The following KIF6 variants were observed in gnomAD, a reference collection of about 807,000 sequenced individuals.
The protein encoded by KIF6 is kinesin family member 6, also known as kinesin-like protein KIF6.
A neutral mutation model predicts 112.7 loss-of-function variants in KIF6; 106 were observed. The observed-to-expected ratio is 0.94, with a 90% CI of 0.80 to 1.11. The LOEUF is 1.11. KIF6 is among the 50% of genes least tolerant of loss of function. The pLI, the probability that KIF6 is intolerant of heterozygous loss-of-function variation, is 0.00. For synonymous variants in KIF6, 339 were observed against 339.9 expected, an observed-to-expected ratio of 1.00 and a Z score of 0.03; for missense variants, 929 against 964.0, an observed-to-expected ratio of 0.96 and a Z score of 0.48.
At chr6:39,698,907 G>A (rs933981906) in intron 3 of KIF6, among the ~76,000 whole-genome samples, 17 of 152,316 alleles carry the variant, frequency 1.1e-4, no homozygotes, top group Middle Eastern at 3.4e-3. Flanking sequence ...AGCAGTAGCT[G>A]TAAACAATTT....
intron 3 of KIF6, among the ~76,000 whole-genome samples, chr6:39,665,641 A>T (rs895555785): frequency 2.0e-5 from 3 of 152,222 alleles, no homozygotes; most frequent in African/African-American, 7.2e-5. Flanking sequence ...AACTGCACAG[A>T]TCTGTCCAGA....
intron 3 of KIF6, among the ~76,000 whole-genome samples, chr6:39,684,107 G>T (rs183111557): frequency 3.8e-4 from 58 of 152,326 alleles, no homozygotes; most frequent in African/African-American, 1.4e-3. Flanking sequence ...CAATCTAGGG[G>T]TATGGTAGCT....
intron 19 of KIF6, among the ~76,000 whole-genome samples, chr6:39,353,047 A>C (rs780396777): frequency 2.0e-5 from 3 of 152,128 alleles, no homozygotes; most frequent in Non-Finnish European, 4.4e-5. Context: ...TTGTGGACAT[A>C]AGTTTTCACC....
At chr6:39,708,183 C>T (rs1390625278) in intron 3 of KIF6, among the ~76,000 whole-genome samples, 1 of 152,126 alleles carries the variant, frequency 6.6e-6, no homozygotes, top group Non-Finnish European at 1.5e-5. Context: ...ATGACCTTGG[C>T]ACAACTGAGA....
intron 13 of KIF6, among the ~76,000 whole-genome samples, chr6:39,520,972 C>T (rs759719778): frequency 2.6e-5 from 4 of 152,160 alleles, no homozygotes; most frequent in Non-Finnish European, 5.9e-5. Context: ...TTTTTTGCTA[C>T]AAACAAAGGC....
Position 39,431,051 on chromosome 6 carries a change from A to C in KIF6, c.1754+2T>G. On this transcript the variant is annotated splice_donor_variant, in intron 14 of 22. Coordinates refer to ENST00000287152, the MANE Select transcript of KIF6 (RefSeq NM_145027.6). LOFTEE classifies it high-confidence loss of function. ...ACCAGCTGCTCTCTGAGACAGCCTT[A>C]CCTCTGTTTCAGAATCTGTTTGTTG... 6.2e-7 allele frequency: 1 copy of C among 1,600,476 alleles called. No individual in the cohort carries two copies. Among genetic ancestry groups the C allele is most frequent in the Non-Finnish European group, 8.6e-7 (1 of 1,168,216 alleles).
intron 13 of KIF6, among the ~76,000 whole-genome samples, chr6:39,437,604 A>G (rs1284818422): frequency 1.3e-5 from 2 of 152,150 alleles, no homozygotes; most frequent in East Asian, 3.8e-4. Flanking sequence ...TCTCCTACAT[A>G]GTATGATTTT....
intron 13 of KIF6, among the ~76,000 whole-genome samples, chr6:39,483,783 C>A (rs1481912938): frequency 6.6e-6 from 1 of 152,134 alleles, no homozygotes; most frequent in Non-Finnish European, 1.5e-5. Context: ...TGGAAGAAAG[C>A]CTACCAGCAT....
chr6:39,616,720 C>T (rs773044039), intron 5 of KIF6, among the ~76,000 whole-genome samples: 32 of 152,196 alleles, frequency 2.1e-4, no homozygotes, highest in Non-Finnish European at 2.6e-4. Context: ...GTGCGTCAGC[C>T]CCACCTATGT....
Position 39,342,749 on chromosome 6 carries a change from A to C in KIF6, c.2428+960T>G. The C allele has an allele frequency of 1.0e-6, 1 of 976,510 alleles. No homozygotes were observed. The highest frequency in any genetic ancestry group is 1.2e-6 in the Non-Finnish European group (1 of 822,064). The allele number at this position is 976,510 out of a possible 1,614,324, so 60.5% of individuals were successfully genotyped here. ...TGCTGGTCCTGGTGGTGAAGAGAGG[A>C]TAGTAAATAAGCAGGCTGGCGGCCA... is the stretch of plus-strand genomic sequence containing the variant. On this transcript the variant is annotated intron_variant, in intron 22 of 22. Coordinates refer to ENST00000287152, the MANE Select transcript of KIF6 (RefSeq NM_145027.6). The surrounding 1 kb of genome is among the most constrained non-coding windows in gnomAD (Gnocchi z 4.7).
chr6:39,688,348 G>C (rs920267017), intron 3 of KIF6, among the ~76,000 whole-genome samples: 1 of 152,100 alleles, frequency 6.6e-6, no homozygotes, highest in African/African-American at 2.4e-5. Flanking sequence ...CAAATGAAGA[G>C]ATCCCACTCA....
intron 3 of KIF6, among the ~76,000 whole-genome samples, chr6:39,686,942 G>T (rs963275715): frequency 6.6e-6 from 1 of 152,120 alleles, no homozygotes; most frequent in Non-Finnish European, 1.5e-5. Context: ...AACAGGGCTG[G>T]TTTTTTATTT....
chr6:39,697,778 C>T (rs145784370), intron 3 of KIF6, among the ~76,000 whole-genome samples: 6 of 152,176 alleles, frequency 3.9e-5, no homozygotes, highest in Non-Finnish European at 7.4e-5. Flanking sequence ...AAACTCCTGA[C>T]CTCAGGTGAT....
chr6:39,465,215 T>C (rs574792734), intron 13 of KIF6, among the ~76,000 whole-genome samples: 4 of 152,162 alleles, frequency 2.6e-5, no homozygotes, highest in Admixed American at 6.6e-5. Flanking sequence ...TCACTGGCCA[T>C]AAGGTTATCA....
chr6:39,619,465 T>C (rs776196907), intron 5 of KIF6, among the ~76,000 whole-genome samples: 12 of 152,158 alleles, frequency 7.9e-5, no homozygotes, highest in Non-Finnish European at 1.3e-4. Context: ...AGGAACAGAA[T>C]TGAAATAACC....
intron 5 of KIF6, among the ~76,000 whole-genome samples, chr6:39,634,112 A>G (rs1432239654): frequency 6.6e-6 from 1 of 152,162 alleles, no homozygotes; most frequent in African/African-American, 2.4e-5. Context: ...GAGAGAATGA[A>G]TATGTGTTTC....
chr6:39,621,108 A>T (rs1783791248), intron 5 of KIF6, among the ~76,000 whole-genome samples: 1 of 151,822 alleles, frequency 6.6e-6, no homozygotes, highest in African/African-American at 2.4e-5. Context: ...TTTTAGGGTT[A>T]GGATGTATTA....
chr6:39,542,431 G>T (rs1326506833), intron 12 of KIF6, among the ~76,000 whole-genome samples: 1 of 152,190 alleles, frequency 6.6e-6, no homozygotes, highest in African/African-American at 2.4e-5. Context: ...TTTCCAAGAA[G>T]ATCTGATGTC....
rs58810898 is a variant in KIF6, at chr6:39,349,631, CTTTTTTTTTTTTTT to C, written c.2181-3119_2181-3106del. 2.5e-3 allele frequency among the ~76,000 whole-genome samples: 160 copies of C among 64,572 alleles called. 1 individual carries two copies. Among genetic ancestry groups the C allele is most frequent in the African/African-American group, 8.0e-3 (124 of 15,506 alleles). 42.4% of individuals were successfully genotyped at this position (64,572 alleles called of 152,430 possible). ...GAAGGTCTAGGTTTAATTTGTGGCT[CTTTTTTTTTTTTTT>C]TTTTTTTTTTTTTTTTGAGACAGGG... is the stretch of plus-strand genomic sequence containing the variant. On this transcript the variant is annotated intron_variant, in intron 19 of 22. Transcript: ENST00000287152.
Sources: allele counts gnomAD v4.1 joint callset (sites outside exome capture counted in the v4.1 genomes callset), GRCh38; gene constraint gnomAD v4.1.1; non-coding constraint Gnocchi (gnomAD v3.1); transcripts MANE v1.5; gene names NCBI Gene and HGNC (gene_info 2026-07-23, HGNC 2026-07-21).